The following EIF2AK4 variants were observed in gnomAD, a reference collection of about 807,000 sequenced individuals.
EIF2AK4 encodes the protein eukaryotic translation initiation factor 2 alpha kinase 4.
Under a neutral mutation model 211.1 loss-of-function variants are expected in EIF2AK4, and 139 were observed. That is an observed-to-expected ratio of 0.66 (90% CI 0.57 to 0.76). The LOEUF (loss-of-function observed/expected upper bound fraction) is 0.76. Among genes scored for constraint, EIF2AK4 ranks in the 30% least tolerant of loss-of-function variants. The probability of loss-of-function intolerance (pLI) is 0.00; values close to 1 mark genes in which losing one functional copy is unlikely to be tolerated. For missense variants in EIF2AK4, 1,664 were observed against 2,043.8 expected, an observed-to-expected ratio of 0.81 and a Z score of 3.58; for synonymous variants, 710 against 751.3, an observed-to-expected ratio of 0.94 and a Z score of 0.90.
At chr15:39,948,593 C>T (rs188587354) in intron 3 of EIF2AK4, among the ~76,000 whole-genome samples, 1 of 152,268 alleles carries the variant, frequency 6.6e-6, no homozygotes, top group African/African-American at 2.4e-5. Flanking sequence ...TTTTTATTGA[C>T]CAGTTACTAA....
chr15:40,029,125 C>CTTA (rs1216317516), intron 33 of EIF2AK4, among the ~76,000 whole-genome samples: 1 of 152,192 alleles, frequency 6.6e-6, no homozygotes, highest in Non-Finnish European at 1.5e-5. Context: ...TTGAAATCAG[C>CTTA]TTATTGTGTG....
At chr15:39,965,540 G>A in intron 7 of EIF2AK4, 146 bp from the exon 8 acceptor site, 3 of 903,618 alleles carry the variant, frequency 3.3e-6, no homozygotes, top group East Asian at 2.5e-5. Flanking sequence ...GTTTACAAAA[G>A]GACATTATTA....
At chr15:39,979,699 G>C (rs1233838785) in intron 13 of EIF2AK4, among the ~76,000 whole-genome samples, 1 of 152,084 alleles carries the variant, frequency 6.6e-6, no homozygotes, top group Non-Finnish European at 1.5e-5. Context: ...ACTATAGACA[G>C]GAGTTCTGTG....
Position 40,031,490 on chromosome 15 carries a change from C to T in EIF2AK4, c.4660-679C>T, listed in dbSNP as rs569445462. Among the ~76,000 whole-genome samples, 12 of 152,158 alleles carry T rather than the reference C, an allele frequency of 7.9e-5. No homozygotes were observed. In the South Asian group the frequency reaches 2.1e-3, roughly 26 times the overall value. ...ATCACCTACCAAGTTTCAGTTCTCA[C>T]ACCATGTCCTCATTGCTGCCACCTC... is the stretch of plus-strand genomic sequence containing the variant. On this transcript the variant is annotated intron_variant, in intron 35 of 38. Coordinates refer to ENST00000263791, the MANE Select transcript of EIF2AK4 (RefSeq NM_001013703.4).
chr15:40,015,290 A>G (rs989647871), intron 27 of EIF2AK4, among the ~76,000 whole-genome samples: 2 of 152,338 alleles, frequency 1.3e-5, no homozygotes, highest in South Asian at 4.1e-4. Context: ...TAATAAAGAC[A>G]TACACGAAAC....
intron 9 of EIF2AK4, among the ~76,000 whole-genome samples, chr15:39,970,987 A>G (rs1395555958): frequency 6.6e-6 from 1 of 152,166 alleles, no homozygotes; most frequent in Non-Finnish European, 1.5e-5. Flanking sequence ...ACCACTTTGT[A>G]TGTATAGATT....
At chr15:39,938,306 C>T (rs984000853) in intron 1 of EIF2AK4, among the ~76,000 whole-genome samples, 8 of 152,176 alleles carry the variant, frequency 5.3e-5, no homozygotes, top group Admixed American at 1.3e-4. Flanking sequence ...CCAAAGAGTG[C>T]TTAACCCTTC....
intron 4 of EIF2AK4, among the ~76,000 whole-genome samples, chr15:39,949,552 C>T (rs2034278580): frequency 6.6e-6 from 1 of 152,134 alleles, no homozygotes; most frequent in African/African-American, 2.4e-5. Context: ...TTAGGGTGTA[C>T]AGGAGTTCAC....
Position 39,973,700 on chromosome 15 carries a change from T to G in EIF2AK4, c.1769T>G (p.Phe590Cys). 1.2e-6 allele frequency: 2 copies of G among 1,614,188 alleles called. No homozygotes were observed. The highest frequency in any genetic ancestry group is 1.7e-6 in the Non-Finnish European group (2 of 1,180,002). The change falls in exon 11 of 39, where the codon TTT becomes TGT. Residue 590 changes from phenylalanine (F) to cysteine (C), a missense_variant. Physicochemically the swap from Phe to Cys is radical, Grantham distance 205. Coordinates refer to ENST00000263791, the MANE Select transcript of EIF2AK4 (RefSeq NM_001013703.4). Reference protein sequence around the residue: ...QRQFSRYFIEFEELQLLGKGA... With the variant: ...QRQFSRYFIECEELQLLGKGA... The stretch of plus-strand genomic sequence containing the variant: ...CAGTTTTCCCGATACTTCATTGAGT[T>G]TGAAGAATTACAACTTCTTGGTAAA...
At position 39,991,992 on chromosome 15, in the gene EIF2AK4, G is replaced by T. The variant is rs113959440; in HGVS notation, c.2632-183G>T. On this transcript the variant is annotated intron_variant, in intron 16 of 38. Coordinates refer to ENST00000263791, the MANE Select transcript of EIF2AK4 (RefSeq NM_001013703.4). Reference sequence around the variant, plus strand: ...CCCCCCTCCCTCTTGATTTCATTGGGTTTTCTGAGAGCCTTGCATTAGTGG... The same window carrying T: ...CCCCCCTCCCTCTTGATTTCATTGGTTTTTCTGAGAGCCTTGCATTAGTGG... 6.7e-4 allele frequency: 340 copies of T among 509,120 alleles called. 2 individuals carry two copies. The highest frequency in any genetic ancestry group is 5.9e-3 in the African/African-American group (311 of 52,750). The allele number at this position is 509,120 out of a possible 1,614,324, so 31.5% of individuals were successfully genotyped here. A position where few individuals can be genotyped will look rare whatever the true frequency, so the allele number is the denominator to read the frequency against.
At chr15:40,030,749 G>C (rs531841714) in intron 35 of EIF2AK4, among the ~76,000 whole-genome samples, 115 of 152,084 alleles carry the variant, frequency 7.6e-4, no homozygotes, top group Non-Finnish European at 1.2e-3. Context: ...GTTTGTTTGT[G>C]CTCTAAATAG....
chr15:40,016,550 C>G lies in EIF2AK4; in HGVS notation c.3808C>G (p.Leu1270Val), dbSNP rs199959430. The G allele has an allele frequency of 7.4e-6, 12 of 1,614,132 alleles. No individual in the cohort carries two copies. The highest frequency in any genetic ancestry group is 6.6e-5 in the South Asian group (6 of 91,072). The change falls in exon 28 of 39, where the codon CTT becomes GTT. Residue 1270 changes from leucine to valine, a missense_variant. Around this residue, in one of 7 missense-constraint regions of EIF2AK4, gnomAD observed 622 missense variants for 796.8 expected, o/e 0.78. Coordinates refer to ENST00000263791, the MANE Select transcript of EIF2AK4 (RefSeq NM_001013703.4). ...TGAACAGAAGGGAGATTTGCAAGAT[C>G]TTATGCCAACAATAAATTCATTAAT... is the stretch of plus-strand genomic sequence containing the variant. ...FIEQKGDLQD[L>V]MPTINSLIKQ...
chr15:39,995,438 C>A (rs7175231), intron 18 of EIF2AK4, among the ~76,000 whole-genome samples: 133 of 152,190 alleles, frequency 8.7e-4, no homozygotes, highest in African/African-American at 3.1e-3. Flanking sequence ...ACCTCTGTGC[C>A]CCTGACCATG....
At chr15:40,028,632 TC>T (rs113113673) in intron 33 of EIF2AK4, among the ~76,000 whole-genome samples, 2,124 of 152,300 alleles carry the variant, frequency 0.014, 48 homozygotes, top group African/African-American at 0.049. Context: ...GCTCTGTTCT[TC>T]TCATGCCCCC....
intron 18 of EIF2AK4, among the ~76,000 whole-genome samples, chr15:39,995,950 A>C (rs1488742149): frequency 6.6e-6 from 1 of 152,156 alleles, no homozygotes; most frequent in Non-Finnish European, 1.5e-5. Flanking sequence ...CGTGCTTTAG[A>C]TCTCCAGAAT....
At position 39,967,511 on chromosome 15, in the gene EIF2AK4, C is replaced by T. The variant is rs1267977813; in HGVS notation, c.1185C>T (p.Gly395=). 2.5e-6 allele frequency: 4 copies of T among 1,613,962 alleles called. No individual in the cohort carries two copies. In the African/African-American group the frequency reaches 5.3e-5, roughly 22 times the overall value. The change falls in exon 9 of 39, where the codon GGC becomes GGT. Residue 395 remains glycine (G), a synonymous_variant. Transcript: ENST00000263791. ...VSLAAHLSHS[G]PIPVHQLRRY... ...TTGCTGCACACCTGAGCCACTCAGG[C>T]CCCATCCCTGTGCATCAGCTTCGCA...
At chr15:39,943,239 C>T in intron 2 of EIF2AK4, 144 bp from the exon 3 acceptor site, 2 of 579,062 alleles carry the variant, frequency 3.5e-6, no homozygotes, top group Non-Finnish European at 5.6e-6. Flanking sequence ...CCACTGTCAA[C>T]TGGAGTTGCA....
chr15:39,991,960 G>A (rs2034949646), intron 16 of EIF2AK4: 1 of 461,170 alleles, frequency 2.2e-6, no homozygotes, highest in Admixed American at 3.6e-5. Flanking sequence ...GAGTTGTACA[G>A]TGATTGCCCC....
intron 13 of EIF2AK4, among the ~76,000 whole-genome samples, chr15:39,978,864 C>T (rs758855063): frequency 2.6e-5 from 4 of 152,114 alleles, no homozygotes; most frequent in African/African-American, 9.7e-5. Context: ...AAACTTCAGT[C>T]GTGAGACACT....
Sources: gnomAD v4.1 joint callset for allele counts (sites outside exome capture counted in the v4.1 genomes callset) on GRCh38, gnomAD v4.1.1 for gene constraint, gnomAD v4.1.1 regional missense constraint, MANE v1.5 for transcripts, NCBI Gene and HGNC (gene_info 2026-07-23, HGNC 2026-07-21) for gene names.